The following TRERF1 variants were observed in gnomAD, a reference collection of about 807,000 sequenced individuals.
The protein encoded by TRERF1 is transcriptional-regulating factor 1.
A neutral mutation model predicts 122.9 loss-of-function variants in TRERF1; 27 were observed. The observed-to-expected ratio is 0.22, with a 90% CI of 0.16 to 0.30. TRERF1 has a LOEUF of 0.30. Among genes scored for constraint, TRERF1 ranks in the 10% least tolerant of loss-of-function variants. The pLI, the probability that TRERF1 is intolerant of heterozygous loss-of-function variation, is 1.00. For missense variants in TRERF1, 1,248 were observed against 1,560.3 expected (o/e 0.80, Z 3.37); for synonymous variants, 636 against 641.7 (o/e 0.99, Z 0.13).
chr6:42,282,704 A>G (rs1433045614), intron 4 of TRERF1, among the ~76,000 whole-genome samples: 3 of 152,228 alleles, frequency 2.0e-5, no homozygotes, highest in Admixed American at 1.3e-4. Flanking sequence ...TGTGTAAAAA[A>G]TGGTTAAAAT....
intron 2 of TRERF1, among the ~76,000 whole-genome samples, chr6:42,388,807 A>G (rs1777230184): frequency 6.6e-6 from 1 of 152,350 alleles, no homozygotes; most frequent in South Asian, 2.1e-4. Context: ...GAATTAGCAG[A>G]CAGTCCAGCT....
At chr6:42,408,440 G>A (rs1254609324) in intron 2 of TRERF1, among the ~76,000 whole-genome samples, 10 of 145,740 alleles carry the variant, frequency 6.9e-5, no homozygotes, top group Admixed American at 1.4e-4. Context: ...GTGCAGTGGC[G>A]TGATCTCGGC....
intron 15 of TRERF1, among the ~76,000 whole-genome samples, chr6:42,239,724 G>T (rs1561802398): frequency 1.3e-5 from 2 of 151,856 alleles, no homozygotes; most frequent in Admixed American, 6.6e-5. Flanking sequence ...ACCCTCCCCA[G>T]GCGCACCCTC....
rs1777519049 is a variant in TRERF1, at chr6:42,259,884, C to A, written c.1885-161G>T. 6.6e-6 allele frequency among the ~76,000 whole-genome samples: 1 copy of A among 151,782 alleles called. No individual in the cohort carries two copies. Among genetic ancestry groups the A allele is most frequent in the South Asian group, 2.1e-4 (1 of 4,820 alleles). On this transcript the variant is annotated intron_variant, in intron 8 of 17. Coordinates refer to ENST00000372922, the Ensembl canonical transcript of TRERF1. The surrounding 1 kb of genome is among the most constrained non-coding windows in gnomAD (Gnocchi z 4.9). ...ACATTCTGACCACATCCATTTTAGG[C>A]AAAGCGAGTTCTGGTTGCTAGACTA...
At chr6:42,432,927 T>C (rs1784705190) in intron 2 of TRERF1, among the ~76,000 whole-genome samples, 1 of 151,772 alleles carries the variant, frequency 6.6e-6, no homozygotes, top group Admixed American at 6.6e-5. Flanking sequence ...TCATAAAGGA[T>C]ACGAAATTAG....
intron 2 of TRERF1, among the ~76,000 whole-genome samples, chr6:42,381,370 G>A (rs1172517796): frequency 2.1e-5 from 3 of 145,234 alleles, no homozygotes; most frequent in South Asian, 4.3e-4. Flanking sequence ...ACCACCCAGG[G>A]ATTGGACCAC....
chr6:42,371,834 T>C (rs151108411), intron 2 of TRERF1, among the ~76,000 whole-genome samples: 208 of 152,284 alleles, frequency 1.4e-3, no homozygotes, highest in African/African-American at 4.7e-3. Flanking sequence ...TCTTGCCCTG[T>C]AGCAGCACTG....
At chr6:42,415,435 G>C (rs748442913) in intron 2 of TRERF1, among the ~76,000 whole-genome samples, 2 of 152,084 alleles carry the variant, frequency 1.3e-5, no homozygotes, top group African/African-American at 2.4e-5. Context: ...TCTGGGATTT[G>C]TGTCAAACTT....
intron 4 of TRERF1, among the ~76,000 whole-genome samples, chr6:42,283,376 A>C (rs1277285925): frequency 2.0e-5 from 3 of 152,296 alleles, no homozygotes; most frequent in African/African-American, 7.2e-5. Flanking sequence ...GAATCTGTGA[A>C]TAATAAGGGT....
chr6:42,302,284 G>C (rs1421180739), intron 3 of TRERF1, among the ~76,000 whole-genome samples: 1 of 151,968 alleles, frequency 6.6e-6, no homozygotes, highest in Non-Finnish European at 1.5e-5. Flanking sequence ...GTGACAGCTA[G>C]CTCCAAAAAA....
At chr6:42,372,387 C>T (rs1468565478) in intron 2 of TRERF1, among the ~76,000 whole-genome samples, 1 of 152,124 alleles carries the variant, frequency 6.6e-6, no homozygotes, top group African/African-American at 2.4e-5. Flanking sequence ...TCTCACTGGG[C>T]TACAGGGACA....
At chr6:42,396,433 A>C (rs1447183891) in intron 2 of TRERF1, among the ~76,000 whole-genome samples, 1 of 152,250 alleles carries the variant, frequency 6.6e-6, no homozygotes, top group East Asian at 1.9e-4. Flanking sequence ...TATTACACTA[A>C]TTTACACAGT....
At chr6:42,395,863 G>A (rs763624580) in intron 2 of TRERF1, among the ~76,000 whole-genome samples, 6 of 151,886 alleles carry the variant, frequency 4.0e-5, no homozygotes, top group Non-Finnish European at 7.4e-5. Context: ...TAACAAATGC[G>A]TAGCTCACAT....
At chr6:42,338,580 A>C (rs1276040570) in intron 3 of TRERF1, among the ~76,000 whole-genome samples, 1 of 152,212 alleles carries the variant, frequency 6.6e-6, no homozygotes, top group Non-Finnish European at 1.5e-5. Context: ...GTTACTTCTG[A>C]GAATTATGAG....
At chr6:42,382,494 T>C (rs1776112391) in intron 2 of TRERF1, among the ~76,000 whole-genome samples, 1 of 150,308 alleles carries the variant, frequency 6.7e-6, no homozygotes, top group Admixed American at 6.6e-5. Context: ...CCTCTCACAA[T>C]CTGAAAAGTT....
In TRERF1 at chr6:42,232,662, C is replaced by G. The variant is rs1308255743; in HGVS notation, c.3278+19G>C. ...ACCCATCATGAACTCAGATTCAGTC[C>G]CCGGTCCCCTGCACCTACTTGCCAC... is the stretch of plus-strand genomic sequence containing the variant. On this transcript the variant is annotated intron_variant, in intron 17 of 17. Transcript: ENST00000372922. This position sits in a 1 kb window ranked among gnomAD's most constrained non-coding sequence, Gnocchi z 4.5. 5 of 1,568,368 alleles carry G rather than the reference C, an allele frequency of 3.2e-6. No individual in the cohort carries two copies. The Admixed American group carries it at 8.7e-5, about 27-fold the overall frequency.
intron 3 of TRERF1, among the ~76,000 whole-genome samples, chr6:42,326,127 C>T (rs931497211): frequency 1.3e-5 from 2 of 152,066 alleles, no homozygotes; most frequent in African/African-American, 4.8e-5. Flanking sequence ...ACACACTATA[C>T]CCTTGTAACA....
intron 15 of TRERF1, among the ~76,000 whole-genome samples, chr6:42,238,002 A>C (rs1415770369): frequency 6.6e-6 from 1 of 152,208 alleles, no homozygotes; most frequent in African/African-American, 2.4e-5. Flanking sequence ...ATGTAGGCCT[A>C]GTACATTTGA....
chr6:42,331,143 T>C (rs550622055), intron 3 of TRERF1, among the ~76,000 whole-genome samples: 1 of 152,306 alleles, frequency 6.6e-6, no homozygotes, highest in South Asian at 2.1e-4. Flanking sequence ...AAGCATGTCT[T>C]TATCTCCTTT....
Sources: gnomAD v4.1 joint callset for allele counts (sites outside exome capture counted in the v4.1 genomes callset) on GRCh38, gnomAD v4.1.1 for gene constraint, Gnocchi (gnomAD v3.1) non-coding constraint, MANE v1.5 for transcripts, NCBI Gene and HGNC (gene_info 2026-07-23, HGNC 2026-07-21) for gene names.